THNSL2: variants seen among roughly 807,000 people sequenced by gnomAD.
THNSL2 encodes threonine synthase-like 2.
In THNSL2, 34 loss-of-function variants were observed where a neutral mutation model predicts 40.0. The observed-to-expected ratio is 0.85, with a 90% CI of 0.65 to 1.13. THNSL2 has a LOEUF of 1.13. Ranked by LOEUF, THNSL2 falls within the 50% of genes most tolerant of loss-of-function variation. The pLI is 0.00. For missense variants in THNSL2, 537 were observed against 608.8 expected (o/e 0.88, Z 1.24); for synonymous variants, 241 against 247.5 (o/e 0.97, Z 0.25).
At chr2:88,170,815 G>T (rs1489007515) in intron 1 of THNSL2, among the ~76,000 whole-genome samples, 1 of 151,564 alleles carries the variant, frequency 6.6e-6, no homozygotes, top group African/African-American at 2.4e-5. Context: ...AGAGAGCCCG[G>T]GGTCTGCCTC....
At chr2:88,174,618 T>C (rs766067341) in intron 2 of THNSL2, 21 bp from the exon 3 acceptor site, 2 of 1,605,078 alleles carry the variant, frequency 1.2e-6, no homozygotes. Flanking sequence ...TCATTGGCTA[T>C]CCACCCCACT....
intron 5 of THNSL2, among the ~76,000 whole-genome samples, chr2:88,180,789 A>G (rs996800795): frequency 1.3e-5 from 2 of 152,114 alleles, no homozygotes; most frequent in African/African-American, 4.8e-5. Context: ...GGGTGGACTG[A>G]GGTTACTGCT....
At position 88,175,252 on chromosome 2, in the gene THNSL2, C is replaced by T. The variant is rs868782172; in HGVS notation, c.422C>T (p.Thr141Ile). The change falls in exon 4 of 9, where the codon ACA becomes ATA. Residue 141 changes from threonine to isoleucine, a missense_variant. Transcript: ENST00000674334. ...REKHVTVVVG[T>I]SGDTGSAAIE... The stretch of plus-strand genomic sequence containing the variant: ...GTTCTCCTTTCTTCCCATCCAGGAA[C>T]ATCTGGGGACACAGGAAGTGCTGCC... 3.1e-6 allele frequency: 5 copies of T among 1,613,900 alleles called. No individual in the cohort carries two copies. The highest frequency in any genetic ancestry group is 4.2e-6 in the Non-Finnish European group (5 of 1,179,870).
chr2:88,181,115 T>A (rs950795668), intron 5 of THNSL2, among the ~76,000 whole-genome samples: 1 of 24,946 alleles, frequency 4.0e-5, no homozygotes, highest in Admixed American at 4.3e-4. Context: ...CTCTCTCCTC[T>A]CTCTCTCCTC....
chr2:88,171,224 T>C (rs1676336979), intron 1 of THNSL2: 1 of 454,950 alleles, frequency 2.2e-6, no homozygotes, highest in African/African-American at 2.0e-5. Flanking sequence ...TATTTCTCTT[T>C]AGCTTTGCTG....
chr2:88,178,281 C>G (rs1677153128), intron 4 of THNSL2, among the ~76,000 whole-genome samples: 1 of 152,214 alleles, frequency 6.6e-6, no homozygotes, highest in Non-Finnish European at 1.5e-5. Flanking sequence ...AACACCTACT[C>G]TGTGATCTAA....
intron 4 of THNSL2, 27 bp downstream of exon 4, chr2:88,175,428 G>A (rs373870601): frequency 1.2e-5 from 19 of 1,612,970 alleles, no homozygotes; most frequent in Non-Finnish European, 1.4e-5. Context: ...AGGCTCTAGG[G>A]ACAGTGCAGC....
At position 88,173,228 on chromosome 2, in the gene THNSL2, C is replaced by T. The variant is rs114858196; in HGVS notation, c.78C>T (p.Asp26=). 216 of 1,611,040 alleles carry T rather than the reference C, an allele frequency of 1.3e-4. 1 individual carries two copies. In the East Asian group the frequency reaches 2.3e-3, roughly 17 times the overall value. The change falls in exon 2 of 9, where the codon GAC becomes GAT. Residue 26 remains aspartate (D), a synonymous_variant. Coordinates refer to ENST00000674334, the MANE Select transcript of THNSL2 (RefSeq NM_018271.5). The part of the protein sequence containing the change: ...EGALFSGYAP[D]GGLFMPEELP... The stretch of plus-strand genomic sequence containing the variant: ...CCCTCTTCTCTGGCTATGCACCTGA[C>T]GGGGGCCTCTTTATGCCTGAAGAGC...
Position 88,179,163 on chromosome 2 carries a change from G to A in THNSL2, c.802+150G>A, listed in dbSNP as rs1307011946. ...GGAAACCCCACAGAAGTTCCCAGGA[G>A]ATTTCCCCCCTCATTGCCTGGGGCA... is the stretch of plus-strand genomic sequence containing the variant. On this transcript the variant is annotated intron_variant, in intron 5 of 8. Transcript: ENST00000674334. 7 of 816,802 alleles carry A rather than the reference G, an allele frequency of 8.6e-6. No homozygotes were observed. In the African/African-American group the frequency reaches 1.2e-4, roughly 14 times the overall value. 50.6% of individuals were successfully genotyped at this position (816,802 alleles called of 1,614,324 possible).
chr2:88,173,548 G>A (rs565721299), intron 2 of THNSL2, among the ~76,000 whole-genome samples, 175 bp downstream of exon 2: 4 of 151,344 alleles, frequency 2.6e-5, no homozygotes, highest in South Asian at 2.1e-4. Context: ...GAAAGATTTC[G>A]TCCTGTCTCC....
At chr2:88,182,544 C>T (rs1163795371) in intron 5 of THNSL2, 155 bp from the exon 6 acceptor site, 16 of 748,954 alleles carry the variant, frequency 2.1e-5, no homozygotes, top group East Asian at 1.4e-4. Flanking sequence ...CCCCATTCTG[C>T]GAGTTGCCTT....
At position 88,171,767 on chromosome 2, in the gene THNSL2, C is replaced by T. The variant is rs1676401028; in HGVS notation, c.-13+1311C>T. ...ATATTTCATCTCTTTGACATGGACT[C>T]CCATACGGAGTGACCTTGTATCCTA... On this transcript the variant is annotated intron_variant, in intron 1 of 8. Coordinates refer to ENST00000674334, the MANE Select transcript of THNSL2 (RefSeq NM_018271.5). 2.5e-5 allele frequency: 4 copies of T among 160,910 alleles called. No homozygotes were observed. In the Admixed American group the frequency reaches 2.5e-4, roughly 10 times the overall value. The allele number at this position is 160,910 out of a possible 1,614,324, so 10.0% of individuals were successfully genotyped here. A position where few individuals can be genotyped will look rare whatever the true frequency, so the allele number is the denominator to read the frequency against.
intron 5 of THNSL2, among the ~76,000 whole-genome samples, chr2:88,179,616 C>T (rs1484690517): frequency 6.6e-6 from 1 of 152,208 alleles, no homozygotes; most frequent in African/African-American, 2.4e-5. Flanking sequence ...TTCCTGTGTG[C>T]ATGCAAACTT....
At chr2:88,171,001 C>G (rs900779061) in intron 1 of THNSL2, among the ~76,000 whole-genome samples, 1 of 152,154 alleles carries the variant, frequency 6.6e-6, no homozygotes, top group Non-Finnish European at 1.5e-5. Flanking sequence ...CAGAGTTTTT[C>G]TGACCTTCTC....
chr2:88,184,508 T>C (rs909277051), intron 7 of THNSL2, among the ~76,000 whole-genome samples: 4 of 152,244 alleles, frequency 2.6e-5, no homozygotes, highest in Admixed American at 1.3e-4. Flanking sequence ...CTCACGCCTC[T>C]AATCCCAGAA....
intron 1 of THNSL2, among the ~76,000 whole-genome samples, 184 bp downstream of exon 1, chr2:88,170,640 T>G (rs1573158956): frequency 6.6e-6 from 1 of 151,370 alleles, no homozygotes; most frequent in Non-Finnish European, 1.5e-5. Flanking sequence ...GTGCGGGGGG[T>G]TTCTGATGCT....
chr2:88,178,720 G>T, intron 4 of THNSL2, 63 bp from the exon 5 acceptor site: 1 of 1,581,576 alleles, frequency 6.3e-7, no homozygotes, highest in Non-Finnish European at 8.7e-7. Context: ...TCGCAGGTGA[G>T]TGCTGACCTC....
chr2:88,171,274 G>C (rs1402789936), intron 1 of THNSL2: 2 of 456,648 alleles, frequency 4.4e-6, no homozygotes, highest in Non-Finnish European at 8.8e-6. Context: ...GCATTGGACA[G>C]AACAGGGACA....
Position 88,185,969 on chromosome 2 carries a change from C to G in THNSL2, c.1301C>G (p.Thr434Ser). ...GAAGCTGTCCTGGCTGCTGGCCTGACCCCTGAGACTCCCGCGGAGATCGTA... is the reference window on the plus strand; with the variant it reads ...GAAGCTGTCCTGGCTGCTGGCCTGAGCCCTGAGACTCCCGCGGAGATCGTA... ...FPEAVLAAGL[T>S]PETPAEIVAL... Residue 434 changes from threonine (T) to serine (S), a missense_variant, in exon 9 of 9, where the codon ACC becomes AGC. By Grantham distance (58) the Thr-to-Ser change is moderately conservative (BLOSUM62 1). Transcript: ENST00000674334. 2 of 1,613,156 alleles carry G rather than the reference C, an allele frequency of 1.2e-6. No homozygotes were observed. The highest frequency in any genetic ancestry group is 1.7e-6 in the Non-Finnish European group (2 of 1,179,798).
Sources: gnomAD v4.1 joint callset for allele counts (sites outside exome capture counted in the v4.1 genomes callset) on GRCh38, gnomAD v4.1.1 for gene constraint, MANE v1.5 for transcripts, NCBI Gene and HGNC (gene_info 2026-07-23, HGNC 2026-07-21) for gene names.